ARHGAP22: variants seen among roughly 807,000 people sequenced by gnomAD.
The protein encoded by ARHGAP22 is rho GTPase-activating protein 22.
A neutral mutation model predicts 59.1 loss-of-function variants in ARHGAP22; 48 were observed. That is an observed-to-expected ratio of 0.81 (90% CI 0.64 to 1.03). The LOEUF (loss-of-function observed/expected upper bound fraction) is 1.03, where lower values mean the gene tolerates loss of function less well. ARHGAP22 is among the 50% of genes least tolerant of loss of function. The pLI is 0.00. For missense variants in ARHGAP22, 1,015 were observed against 958.7 expected (o/e 1.06, Z -0.78); for synonymous variants, 445 against 416.4 (o/e 1.07, Z -0.84).
At chr10:48,647,794 C>T (rs1358529721) in intron 1 of ARHGAP22, among the ~76,000 whole-genome samples, 2 of 152,186 alleles carry the variant, frequency 1.3e-5, no homozygotes, top group African/African-American at 2.4e-5. Context: ...CCCAAAAGTC[C>T]ATCAACGGGT....
chr10:48,566,212 G>A (rs1438834221), intron 2 of ARHGAP22, among the ~76,000 whole-genome samples: 1 of 152,152 alleles, frequency 6.6e-6, no homozygotes, highest in African/African-American at 2.4e-5. Context: ...AAAATGGCAG[G>A]CATGTTTTAG....
chr10:48,446,318 T>C lies in ARHGAP22; in HGVS notation c.*73A>G. 6.5e-7 allele frequency: 1 copy of C among 1,530,114 alleles called. No individual in the cohort carries two copies. The highest frequency in any genetic ancestry group is 2.3e-5 in the East Asian group (1 of 44,390). The allele number at this position is 1,530,114 out of a possible 1,614,324, so 94.8% of individuals were successfully genotyped here. A position where few individuals can be genotyped will look rare whatever the true frequency, so the allele number is the denominator to read the frequency against. ...CCAGAGCGCCTGGCTGCTCCAGAGA[T>C]ACAGACGCTTCTAACTCCATACAAG... is the stretch of plus-strand genomic sequence containing the variant. On this transcript the variant is annotated 3_prime_UTR_variant, in exon 10 of 10. Transcript: ENST00000249601.
At chr10:48,605,233 C>T (rs1000466948), upstream of ARHGAP22, 2 of 891,406 alleles carry the variant, frequency 2.2e-6, no homozygotes, top group Non-Finnish European at 1.4e-6. Context: ...CCATCCTTTG[C>T]TGAGGCTGGA....
At chr10:48,518,597 T>A (rs533735256) in intron 3 of ARHGAP22, among the ~76,000 whole-genome samples, 3 of 151,984 alleles carry the variant, frequency 2.0e-5, no homozygotes, top group Non-Finnish European at 4.4e-5. Context: ...GATGGGGATG[T>A]GGGGAGCTGG....
At chr10:48,547,013 T>C (rs914974812) in intron 3 of ARHGAP22, among the ~76,000 whole-genome samples, 16 of 152,150 alleles carry the variant, frequency 1.1e-4, no homozygotes, top group African/African-American at 3.6e-4. Context: ...CTGAGTAGCA[T>C]GGCTATGCTC....
intron 4 of ARHGAP22, among the ~76,000 whole-genome samples, chr10:48,473,748 A>G (rs973886444): frequency 1.3e-5 from 2 of 152,248 alleles, no homozygotes; most frequent in Admixed American, 6.5e-5. Context: ...GCCTGTTGCC[A>G]AAGCCTCACT....
chr10:48,646,068 T>C (rs2062283123), intron 1 of ARHGAP22, among the ~76,000 whole-genome samples: 1 of 152,120 alleles, frequency 6.6e-6, no homozygotes, highest in Admixed American at 6.6e-5. Context: ...AAAAACTCCA[T>C]AAATGAAATT....
At chr10:48,582,223 A>G (rs1564930059) in intron 2 of ARHGAP22, among the ~76,000 whole-genome samples, 2 of 152,084 alleles carry the variant, frequency 1.3e-5, no homozygotes, top group African/African-American at 4.8e-5. Context: ...CCATGACTAG[A>G]AGCAGCTTTT....
At chr10:48,485,066 C>T (rs980281495) in intron 3 of ARHGAP22, among the ~76,000 whole-genome samples, 6 of 152,198 alleles carry the variant, frequency 3.9e-5, no homozygotes, top group East Asian at 1.9e-4. Flanking sequence ...AATATGTTAA[C>T]GAAGGGTCAT....
At chr10:48,466,242 G>A (rs1195469778) in intron 4 of ARHGAP22, among the ~76,000 whole-genome samples, 1 of 137,704 alleles carries the variant, frequency 7.3e-6, no homozygotes, top group African/African-American at 2.8e-5. Context: ...AGTTCGGGGT[G>A]GGGAGGGATC....
At chr10:48,610,744 G>A (rs759824980) in intron 1 of ARHGAP22, among the ~76,000 whole-genome samples, 1 of 152,190 alleles carries the variant, frequency 6.6e-6, no homozygotes, top group African/African-American at 2.4e-5. Flanking sequence ...CTGGCGCTCC[G>A]AGCAGATGAC....
rs749264009 is a variant in ARHGAP22 at position 48,454,081 on chromosome 10, C to T, written c.866+7G>A. ...AAAGTGTGGTTCCCTCCTGCCAAGC[C>T]GCTTACTTGCAGATGTATCTGAGCA... is the stretch of plus-strand genomic sequence containing the variant. On this transcript the variant is annotated splice_region_variant and intron_variant, in intron 7 of 9. Coordinates refer to ENST00000249601, the MANE Select transcript of ARHGAP22 (RefSeq NM_021226.4). The T allele has an allele frequency of 2.7e-5, 43 of 1,613,632 alleles. No individual in the cohort carries two copies. Among genetic ancestry groups the T allele is most frequent in the Non-Finnish European group, 3.5e-5 (41 of 1,179,738 alleles).
chr10:48,456,403 C>A (rs896795829), intron 5 of ARHGAP22, among the ~76,000 whole-genome samples: 1 of 152,178 alleles, frequency 6.6e-6, no homozygotes, highest in African/African-American at 2.4e-5. Flanking sequence ...TGGATCCAGG[C>A]AGCCCCCATC....
Position 48,454,154 on chromosome 10 carries a change from A to C in ARHGAP22, c.800T>G (p.Leu267Arg). The change falls in exon 7 of 10, where the codon CTG (leucine) becomes CGG (arginine). Residue 267 changes from leucine (L) to arginine (R), a missense_variant. By Grantham distance (102) the Leu-to-Arg change is moderately radical. Coordinates refer to ENST00000249601, the MANE Select transcript of ARHGAP22 (RefSeq NM_021226.4). ...LLTKDEGEGTLELAKQVSNLP... is the reference protein window; with the variant it reads ...LLTKDEGEGTRELAKQVSNLP... Reference sequence around the variant, plus strand: ...GTTGCTCACTTGTTTAGCCAACTCCAGAGTGCCCTTAGGAATGAAGAACAG... The same window carrying C: ...GTTGCTCACTTGTTTAGCCAACTCCCGAGTGCCCTTAGGAATGAAGAACAG... 6.2e-7 allele frequency: 1 copy of C among 1,613,768 alleles called. No homozygotes were observed. Among genetic ancestry groups the C allele is most frequent in the Non-Finnish European group, 8.5e-7 (1 of 1,179,776 alleles).
Position 48,446,167 on chromosome 10 carries a change from C to G in ARHGAP22, c.*224G>C. 1.7e-6 allele frequency: 1 copy of G among 589,508 alleles called. No homozygotes were observed. The highest frequency in any genetic ancestry group is 3.0e-6 in the Non-Finnish European group (1 of 333,300). 36.5% of individuals were successfully genotyped at this position (589,508 alleles called of 1,614,324 possible). On this transcript the variant is annotated 3_prime_UTR_variant, in exon 10 of 10. Transcript: ENST00000249601. ...GCTAAGCGCTACTCTTGGTACCGTC[C>G]CCTTCTGACCCTCACCAGGAACTGC... is the stretch of plus-strand genomic sequence containing the variant.
intron 3 of ARHGAP22, among the ~76,000 whole-genome samples, chr10:48,525,060 CT>C (rs2054205287): frequency 6.6e-6 from 1 of 152,126 alleles, no homozygotes. Context: ...GATTTGGGCA[CT>C]TTTTCATGAG....
chr10:48,652,422 TG>T (rs1444248955), exon 1 of ARHGAP22: 21 of 734,314 alleles, frequency 2.9e-5, no homozygotes, highest in Non-Finnish European at 4.3e-5. Flanking sequence ...ATATTTAGAA[TG>T]CCCTTTATCT....
At chr10:48,599,705 GC>G (rs2135860123) in intron 1 of ARHGAP22, among the ~76,000 whole-genome samples, 1 of 152,296 alleles carries the variant, frequency 6.6e-6, no homozygotes, top group East Asian at 1.9e-4. Flanking sequence ...CTGCTCTGTG[GC>G]CCATCAGTTC....
chr10:48,455,076 C>T lies in ARHGAP22; in HGVS notation c.718G>A (p.Glu240Lys), dbSNP rs779541553. Residue 240 changes from glutamate to lysine, a missense_variant, in exon 6 of 10, where the codon GAG becomes AAG. Transcript: ENST00000249601. ...LLKLYLRELP[E>K]PVVPFARYED... is the part of the protein sequence containing the mutation. ...TACCTGGCGAAGGGGACCACGGGCT[C>T]GGGGAGCTCCCGCAGGTACAGCTTC... is the stretch of plus-strand genomic sequence containing the variant. The T allele has an allele frequency of 1.3e-5, 21 of 1,612,220 alleles. No homozygotes were observed. The highest frequency in any genetic ancestry group is 8.9e-5 in the East Asian group (4 of 44,882).
Sources: allele counts gnomAD v4.1 joint callset (sites outside exome capture counted in the v4.1 genomes callset), GRCh38; gene constraint gnomAD v4.1.1; transcripts MANE v1.5; gene names NCBI Gene and HGNC (gene_info 2026-07-23, HGNC 2026-07-21).